Variants in ADAM8 observed in about 807,000 individuals in gnomAD.
ADAM8 encodes disintegrin and metalloproteinase domain-containing protein 8.
In ADAM8, 104 loss-of-function variants were observed where a neutral mutation model predicts 102.4. The observed-to-expected ratio is 1.02, with a 90% CI of 0.87 to 1.20. The LOEUF (loss-of-function observed/expected upper bound fraction) is 1.20. Ranked by LOEUF, ADAM8 falls within the 50% of genes most tolerant of loss-of-function variation. ADAM8 has a pLI of 0.00. For missense variants in ADAM8, 1,132 were observed against 1,159.0 expected, an observed-to-expected ratio of 0.98 and a Z score of 0.34; for synonymous variants, 517 against 485.2, an observed-to-expected ratio of 1.07 and a Z score of -0.86.
At position 133,267,397 on chromosome 10, in the gene ADAM8, G is replaced by A. The variant is rs777479740; in HGVS notation, c.2274C>T (p.Ser758=). The A allele has an allele frequency of 3.1e-6, 5 of 1,610,318 alleles. No individual in the cohort carries two copies. ...TGTAGACAGGAACTGGGAAGGGTGG[G>A]CTGGACACAGTGACCGGAGGCTGGA... ...PPPAPPVTVS[S]PPFPVPVYTR... Residue 758 remains serine, a synonymous_variant, in exon 21 of 23, where the codon AGC becomes AGT. Transcript: ENST00000445355.
chr10:133,266,088 C>T (rs969064599), intron 21 of ADAM8, among the ~76,000 whole-genome samples: 2 of 152,082 alleles, frequency 1.3e-5, no homozygotes, highest in East Asian at 1.9e-4. Context: ...GTGCTGCCCC[C>T]GCCAACAGTG....
At chr10:133,273,559 C>T in intron 5 of ADAM8, 116 bp from the exon 6 acceptor site, 4 of 1,331,946 alleles carry the variant, frequency 3.0e-6, no homozygotes, top group East Asian at 2.5e-5. Flanking sequence ...CACCAGCAGC[C>T]CCCCGCAGGT....
In ADAM8 at chr10:133,269,467, C is replaced by A; in HGVS notation, c.1926G>T (p.Lys642Asn). The A allele has an allele frequency of 6.2e-6, 10 of 1,600,406 alleles. No homozygotes were observed. Among genetic ancestry groups the A allele is most frequent in the Non-Finnish European group, 8.5e-6 (10 of 1,178,054 alleles). Reference protein sequence around the residue: ...HAGWAPPHCAKLLTEVHAASG... With the variant: ...HAGWAPPHCANLLTEVHAASG... ...TACCTGCGTGCACCTCAGTCAGCAG[C>A]TTCGCGCAGTGGGGCGGGGCCCAGC... Residue 642 changes from lysine to asparagine, a missense_variant, in exon 18 of 23, where the codon AAG (lysine) becomes AAT (asparagine). Coordinates refer to ENST00000445355, the MANE Select transcript of ADAM8 (RefSeq NM_001109.5).
intron 2 of ADAM8, chr10:133,274,661 C>T (rs961126213): frequency 1.0e-5 from 3 of 293,346 alleles, no homozygotes; most frequent in African/African-American, 2.3e-5. Flanking sequence ...GCCCCTTCCC[C>T]GAGAAAGCAT....
At chr10:133,268,603 A>G in intron 19 of ADAM8, 145 bp downstream of exon 19, 2 of 906,496 alleles carry the variant, frequency 2.2e-6, no homozygotes, top group Non-Finnish European at 3.3e-6. Flanking sequence ...ACTCAGCCCA[A>G]GCCGGGGGGC....
In ADAM8 at chr10:133,275,238, G is replaced by A. The variant is rs181716228; in HGVS notation, c.150+246C>T. ...GCCAAGTGAAACTGGGGAGGGGCCC[G>A]GGGCCAGCACAACCTGCCCCTGCTC... On this transcript the variant is annotated intron_variant, in intron 2 of 22. Coordinates refer to ENST00000445355, the MANE Select transcript of ADAM8 (RefSeq NM_001109.5). Among the ~76,000 whole-genome samples the A allele has an allele frequency of 1.2e-3, 179 of 152,298 alleles. 1 individual carries two copies. The highest frequency in any genetic ancestry group is 4.2e-3 in the African/African-American group (173 of 41,570).
In ADAM8 at chr10:133,271,896, T is replaced by C; in HGVS notation, c.1016A>G (p.Asn339Ser). The C allele has an allele frequency of 2.5e-6, 4 of 1,612,476 alleles. No individual in the cohort carries two copies. Among genetic ancestry groups the C allele is most frequent in the Non-Finnish European group, 3.4e-6 (4 of 1,179,788 alleles). ...GTTCTCATCATGGTCCATGCCCAGG[T>C]TGTGGCCCATCTCATGGGCCATGGT... ...ACTMAHEMGH[N>S]LGMDHDENVQ... is the part of the protein sequence containing the mutation. The change falls in exon 11 of 23, where the codon AAC becomes AGC. Residue 339 changes from asparagine to serine, a missense_variant. By Grantham distance (46) the Asn-to-Ser change is conservative (BLOSUM62 1). Transcript: ENST00000445355.
intron 5 of ADAM8, 35 bp downstream of exon 5, chr10:133,273,727 C>T (rs1399583814): frequency 1.9e-6 from 3 of 1,542,848 alleles, no homozygotes; most frequent in African/African-American, 1.4e-5. Flanking sequence ...TCCTCTCCAC[C>T]TGCGGGAGCC....
At position 133,274,213 on chromosome 10, in the gene ADAM8, C is replaced by T; in HGVS notation, c.173G>A (p.Ser58Asn). ...GTGCCCTGTGGCCCCAAGGACGTAG[C>T]TCACCCTCTCTGGGTGCAGGCCCTG... ...SHLGLHPERV[S>N]YVLGATGHNF... Residue 58 changes from serine to asparagine, a missense_variant, in exon 3 of 23, where the codon AGC becomes AAC. Coordinates refer to ENST00000445355, the MANE Select transcript of ADAM8 (RefSeq NM_001109.5). 1 of 1,579,266 alleles carries T rather than the reference C, an allele frequency of 6.3e-7. No individual in the cohort carries two copies. The highest frequency in any genetic ancestry group is 8.6e-7 in the Non-Finnish European group (1 of 1,162,270).
Position 133,271,278 on chromosome 10 carries a change from GTTCC to G in ADAM8, c.1292_1295del (p.Arg431ProfsTer28). ...GGCAGGTGGTAGAGTTGCAGCAGCG[GTTCC>G]GGCAGTCCTGGGGCGACGGCAAAGG... On this transcript the variant is annotated frameshift_variant, in exon 13 of 23. Coordinates refer to ENST00000445355, the MANE Select transcript of ADAM8 (RefSeq NM_001109.5). LOFTEE classifies it high-confidence loss of function. 2 of 1,610,518 alleles carry G rather than the reference GTTCC, an allele frequency of 1.2e-6. No homozygotes were observed. The highest frequency in any genetic ancestry group is 1.7e-6 in the Non-Finnish European group (2 of 1,179,634).
intron 22 of ADAM8, 132 bp from the exon 23 acceptor site, chr10:133,263,365 G>A (rs1029012703): frequency 4.6e-6 from 4 of 869,968 alleles, no homozygotes; most frequent in Non-Finnish European, 6.9e-6. Context: ...CAACAACATG[G>A]CCCATGCACA....
At chr10:133,272,902 AC>A (rs760274605) in intron 7 of ADAM8, 36 bp from the exon 8 acceptor site, 12 of 1,608,142 alleles carry the variant, frequency 7.5e-6, no homozygotes, top group East Asian at 4.5e-5. Flanking sequence ...GAGCCCACAC[AC>A]CCCCCATGCC....
At position 133,263,235 on chromosome 10, in the gene ADAM8, TG is replaced by T; in HGVS notation, c.2398-3del. 1 of 1,598,404 alleles carries T rather than the reference TG, an allele frequency of 6.3e-7. No homozygotes were observed. Among genetic ancestry groups the T allele is most frequent in the East Asian group, 2.2e-5 (1 of 44,568 alleles). On this transcript the variant is annotated splice_polypyrimidine_tract_variant and splice_region_variant and intron_variant, in intron 22 of 22. Transcript: ENST00000445355. ...GGCAACCTTTGGGCCAACAGCACCC[TG>T]GGAGGAGGAAAAGATAATTGATGTT...
intron 18 of ADAM8, 167 bp from the exon 19 acceptor site, chr10:133,269,029 G>A (rs1846427729): frequency 3.0e-6 from 3 of 985,370 alleles, no homozygotes; most frequent in Middle Eastern, 5.2e-4. Context: ...GCCAGTGACA[G>A]GTTGGAGAGC....
intron 8 of ADAM8, 50 bp downstream of exon 8, chr10:133,272,748 C>CCA (rs397723458): frequency 1.3e-6 from 2 of 1,564,428 alleles, no homozygotes; most frequent in East Asian, 2.3e-5. Context: ...ACACCCCCCC[C>CCA]ACCTCCCGCC....
Position 133,273,408 on chromosome 10 carries a change from A to C in ADAM8, c.419T>G (p.Ile140Ser). Reference sequence around the variant, plus strand: ...CTCGCCACCTTCATCCAGGGGCTCGATCAGGTGCAGGTCTGACCCCACCTG... The same window carrying C: ...CTCGCCACCTTCATCCAGGGGCTCGCTCAGGTGCAGGTCTGACCCCACCTG... Reference protein sequence around the residue: ...FFQVGSDLHLIEPLDEGGEGG... With the variant: ...FFQVGSDLHLSEPLDEGGEGG... The change falls in exon 6 of 23, where the codon ATC becomes AGC. Residue 140 changes from isoleucine to serine, a missense_variant. By Grantham distance (142) the Ile-to-Ser change is moderately radical. Coordinates refer to ENST00000445355, the MANE Select transcript of ADAM8 (RefSeq NM_001109.5). The C allele has an allele frequency of 6.5e-7, 1 of 1,548,626 alleles. No homozygotes were observed. The highest frequency in any genetic ancestry group is 8.7e-7 in the Non-Finnish European group (1 of 1,146,098).
At chr10:133,273,062 G>A (rs756215912) in intron 6 of ADAM8, 43 bp from the exon 7 acceptor site, 15 of 1,611,306 alleles carry the variant, frequency 9.3e-6, no homozygotes, top group East Asian at 2.2e-5. Context: ...TCCCAGCGCC[G>A]GGGCCTGGAC....
At chr10:133,275,809 C>T (rs1846730337) in intron 1 of ADAM8, 1 of 494,226 alleles carries the variant, frequency 2.0e-6, no homozygotes, top group Non-Finnish European at 3.5e-6. Flanking sequence ...AGCACCCACA[C>T]ACAGTGCTCA....
In ADAM8 at chr10:133,272,106, G is replaced by A. The variant is rs1390400031; in HGVS notation, c.957+87C>T. On this transcript the variant is annotated intron_variant, in intron 10 of 22. Coordinates refer to ENST00000445355, the MANE Select transcript of ADAM8 (RefSeq NM_001109.5). The stretch of plus-strand genomic sequence containing the variant: ...ATTAAACCTGGCCTGAGGGGAGGTG[G>A]CCTGCTCCAGAGACCTGGACCGAGG... The A allele has an allele frequency of 7.3e-6, 11 of 1,498,498 alleles. No individual in the cohort carries two copies. The South Asian group carries it at 1.2e-4, about 16-fold the overall frequency. 92.8% of individuals were successfully genotyped at this position (1,498,498 alleles called of 1,614,324 possible). A position where few individuals can be genotyped will look rare whatever the true frequency, so the allele number is the denominator to read the frequency against.
Sources: gnomAD v4.1 joint callset for allele counts (sites outside exome capture counted in the v4.1 genomes callset) on GRCh38, gnomAD v4.1.1 for gene constraint, MANE v1.5 for transcripts, NCBI Gene and HGNC (gene_info 2026-07-23, HGNC 2026-07-21) for gene names.